ATP6V1C2: variants seen among roughly 807,000 people sequenced by gnomAD.
ATP6V1C2 encodes ATPase H+ transporting V1 subunit C2.
Under a neutral mutation model 56.8 loss-of-function variants are expected in ATP6V1C2, and 45 were observed. The observed-to-expected ratio is 0.79, with a 90% confidence interval of 0.62 to 1.02. The LOEUF (loss-of-function observed/expected upper bound fraction) is 1.02, where lower values mean the gene tolerates loss of function less well. Ranked by LOEUF, ATP6V1C2 falls within the 50% of genes least tolerant of loss-of-function variation. The pLI is 0.00. For synonymous variants in ATP6V1C2, 220 were observed against 201.3 expected, an observed-to-expected ratio of 1.09 and a Z score of -0.79; for missense variants, 463 against 519.7, an observed-to-expected ratio of 0.89 and a Z score of 1.06.
intron 2 of ATP6V1C2, 112 bp downstream of exon 2, chr2:10,723,090 G>C: frequency 7.5e-7 from 1 of 1,328,226 alleles, no homozygotes; most frequent in Non-Finnish European, 1.0e-6. Context: ...GGCAAAGCAG[G>C]GGCTCTGAGG....
chr2:10,745,542 T>G (rs915514086), intron 3 of ATP6V1C2, among the ~76,000 whole-genome samples: 3 of 152,152 alleles, frequency 2.0e-5, no homozygotes, highest in Non-Finnish European at 4.4e-5. Context: ...GTTTTCACCA[T>G]GTTGGCCAGG....
Position 10,780,933 on chromosome 2 carries a change from C to T in ATP6V1C2, c.1062-1310C>T, listed in dbSNP as rs1039216862. ...CTAATTTTTGTAATTTTAGTAGCGA[C>T]GGGGTTTCACCACGTTGGCCAGGCT... On this transcript the variant is annotated intron_variant, in intron 12 of 13. Transcript: ENST00000272238. The surrounding 1 kb of genome is among the most constrained non-coding windows in gnomAD (Gnocchi z 4.1). Among the ~76,000 whole-genome samples the T allele has an allele frequency of 3.9e-5, 6 of 152,024 alleles. No homozygotes were observed. Among genetic ancestry groups the T allele is most frequent in the African/African-American group, 9.7e-5 (4 of 41,396 alleles).
At chr2:10,776,832 C>T (rs6432144) in intron 10 of ATP6V1C2, among the ~76,000 whole-genome samples, 13,829 of 152,164 alleles carry the variant, frequency 0.091, 2,127 homozygotes, top group African/African-American at 0.31. Flanking sequence ...TGCCAGCTGG[C>T]GTATTTTACA....
chr2:10,729,158 T>A (rs558316247), intron 3 of ATP6V1C2, among the ~76,000 whole-genome samples: 1 of 147,866 alleles, frequency 6.8e-6, no homozygotes, highest in African/African-American at 2.6e-5. Context: ...ATCTGGTGTA[T>A]AATCATTGGA....
intron 3 of ATP6V1C2, among the ~76,000 whole-genome samples, chr2:10,742,548 C>G (rs1256637946): frequency 6.6e-6 from 1 of 152,198 alleles, no homozygotes; most frequent in African/African-American, 2.4e-5. Context: ...TGCAAGGCTT[C>G]TAGGCACCCG....
At chr2:10,730,969 A>C (rs878906666) in intron 3 of ATP6V1C2, among the ~76,000 whole-genome samples, 3 of 143,556 alleles carry the variant, frequency 2.1e-5, no homozygotes, top group African/African-American at 7.9e-5. Flanking sequence ...TTTTTTTTTC[A>C]TGAGACAGGG....
rs778967006 is a variant in ATP6V1C2, at chr2:10,726,574, A to G, written c.197+5A>G. 6 of 1,608,578 alleles carry G rather than the reference A, an allele frequency of 3.7e-6. No individual in the cohort carries two copies. Among genetic ancestry groups the G allele is most frequent in the Non-Finnish European group, 5.1e-6 (6 of 1,175,002 alleles). ...ACTCGACACCTTTGCTGAAAGGTAAAATATTCCTTATTTACTACATACAAG... is the reference window on the plus strand; with the variant it reads ...ACTCGACACCTTTGCTGAAAGGTAAGATATTCCTTATTTACTACATACAAG... On this transcript the variant is annotated splice_donor_5th_base_variant and intron_variant, in intron 3 of 13. Coordinates refer to ENST00000272238, the MANE Select transcript of ATP6V1C2 (RefSeq NM_001039362.2).
intron 5 of ATP6V1C2, among the ~76,000 whole-genome samples, chr2:10,765,346 T>C (rs1664159844): frequency 6.6e-6 from 1 of 152,198 alleles, no homozygotes; most frequent in South Asian, 2.1e-4. Context: ...AGGCTGATGG[T>C]TTCTGATGGC....
At chr2:10,727,527 G>A (rs1305992007) in intron 3 of ATP6V1C2, among the ~76,000 whole-genome samples, 1 of 152,100 alleles carries the variant, frequency 6.6e-6, no homozygotes, top group Non-Finnish European at 1.5e-5. Flanking sequence ...CTGCACTCCA[G>A]CCTAGACAAC....
chr2:10,784,115 T>C lies in ATP6V1C2; in HGVS notation c.*852T>C, dbSNP rs1293904064. 10 of 508,436 alleles carry C rather than the reference T, an allele frequency of 2.0e-5. No homozygotes were observed. Among genetic ancestry groups the C allele is most frequent in the Non-Finnish European group, 3.4e-5 (10 of 290,418 alleles). 31.5% of individuals were successfully genotyped at this position (508,436 alleles called of 1,614,324 possible). A position where few individuals can be genotyped will look rare whatever the true frequency, so the allele number is the denominator to read the frequency against. ...GATGCAAAAGTTCACTGTTGCAGTG[T>C]TTTCAAATGACCAATCAAGTACTAC... On this transcript the variant is annotated 3_prime_UTR_variant, in exon 14 of 14. Transcript: ENST00000272238.
At chr2:10,721,823 A>G (rs1661377123) in intron 1 of ATP6V1C2, 92 bp downstream of exon 1, 1 of 152,008 alleles carries the variant, frequency 6.6e-6, no homozygotes, top group African/African-American at 2.4e-5. Context: ...GCGCTTTCCC[A>G]TTGGAAACGT....
intron 3 of ATP6V1C2, among the ~76,000 whole-genome samples, chr2:10,752,981 G>A (rs1663305392): frequency 6.6e-6 from 1 of 152,112 alleles, no homozygotes; most frequent in Non-Finnish European, 1.5e-5. Flanking sequence ...GGGTGACAGA[G>A]CAAGACTCTG....
intron 3 of ATP6V1C2, among the ~76,000 whole-genome samples, chr2:10,746,196 C>T (rs4669622): frequency 0.47 from 71,828 of 151,880 alleles, 18,687 homozygotes; most frequent in South Asian, 0.63. Flanking sequence ...GATGAGGTTT[C>T]ACCATGTGGG....
At chr2:10,782,881 T>C (rs538943281) in intron 13 of ATP6V1C2, among the ~76,000 whole-genome samples, 2 of 136,572 alleles carry the variant, frequency 1.5e-5, no homozygotes, top group East Asian at 4.4e-4. Flanking sequence ...GGAGTGGTGG[T>C]GCATGCCTGT....
intron 3 of ATP6V1C2, among the ~76,000 whole-genome samples, chr2:10,749,961 G>A (rs574515991): frequency 6.6e-6 from 1 of 152,298 alleles, no homozygotes; most frequent in African/African-American, 2.4e-5. Context: ...GTGAAAAGGT[G>A]TTCACAACAA....
chr2:10,784,931 C>T lies in ATP6V1C2; in HGVS notation c.*1668C>T. 6.4e-7 allele frequency: 1 copy of T among 1,573,914 alleles called. No homozygotes were observed. Among genetic ancestry groups the T allele is most frequent in the Non-Finnish European group, 8.6e-7 (1 of 1,156,734 alleles). Reference sequence around the variant, plus strand: ...CCGCACAGCTTCCCTCCCGGGCACTCACCTCGCCATCCCTGCCGTCCCAAG... The same window carrying T: ...CCGCACAGCTTCCCTCCCGGGCACTTACCTCGCCATCCCTGCCGTCCCAAG... On this transcript the variant is annotated 3_prime_UTR_variant, in exon 14 of 14. Coordinates refer to ENST00000272238, the MANE Select transcript of ATP6V1C2 (RefSeq NM_001039362.2).
At chr2:10,744,970 A>G (rs1662809154) in intron 3 of ATP6V1C2, among the ~76,000 whole-genome samples, 2 of 148,774 alleles carry the variant, frequency 1.3e-5, no homozygotes, top group Admixed American at 6.7e-5. Flanking sequence ...CACCCGGCCT[A>G]TTTTTAAGAA....
chr2:10,764,464 G>A (rs1184953099), intron 5 of ATP6V1C2, 39 bp downstream of exon 5: 1 of 1,572,488 alleles, frequency 6.4e-7, no homozygotes, highest in Non-Finnish European at 8.7e-7. Context: ...GCTGACTGGT[G>A]GGTCAGGCGG....
intron 5 of ATP6V1C2, among the ~76,000 whole-genome samples, chr2:10,766,065 C>T (rs559747288): frequency 1.3e-5 from 2 of 152,310 alleles, no homozygotes; most frequent in South Asian, 2.1e-4. Context: ...GTTGAGCGAG[C>T]GATCCAGGAC....
Sources: allele counts gnomAD v4.1 joint callset (sites outside exome capture counted in the v4.1 genomes callset), GRCh38; gene constraint gnomAD v4.1.1; non-coding constraint Gnocchi (gnomAD v3.1); transcripts MANE v1.5; gene names NCBI Gene and HGNC (gene_info 2026-07-23, HGNC 2026-07-21).